DGLUCY: variants seen among roughly 807,000 people sequenced by gnomAD.
DGLUCY encodes D-glutamate cyclase.
DGLUCY carries 58 observed loss-of-function variants against 58.5 expected under a neutral mutation model. The observed-to-expected ratio is 0.99, with a 90% CI of 0.80 to 1.23. The LOEUF (loss-of-function observed/expected upper bound fraction) is 1.23. Among genes scored for constraint, DGLUCY ranks in the 50% most tolerant of loss-of-function variants. The pLI is 0.00. For missense variants in DGLUCY, 779 were observed against 784.7 expected (o/e 0.99, Z 0.09); for synonymous variants, 325 against 314.1 (o/e 1.03, Z -0.37).
At chr14:91,093,174 T>A (rs1344106921) in intron 1 of DGLUCY, among the ~76,000 whole-genome samples, 1 of 152,166 alleles carries the variant, frequency 6.6e-6, no homozygotes, top group African/African-American at 2.4e-5. Flanking sequence ...TCATAATGAT[T>A]GCATAATGAC....
At chr14:91,130,564 C>T (rs2045972535) in intron 1 of DGLUCY, among the ~76,000 whole-genome samples, 1 of 152,120 alleles carries the variant, frequency 6.6e-6, no homozygotes, top group Admixed American at 6.5e-5. Flanking sequence ...CCTTGGCCTC[C>T]CAAATTGCTG....
At chr14:91,114,840 A>T (rs1595663869) in intron 1 of DGLUCY, 1 of 152,360 alleles carries the variant, frequency 6.6e-6, no homozygotes, top group African/African-American at 2.4e-5. Flanking sequence ...CGTTGGCTGG[A>T]GGCAGAATTC....
At chr14:91,173,526 T>C in intron 6 of DGLUCY, 87 bp downstream of exon 6, 1 of 1,443,328 alleles carries the variant, frequency 6.9e-7, no homozygotes, top group Non-Finnish European at 9.1e-7. Flanking sequence ...ATGATCCCCC[T>C]GTTCACATCG....
chr14:91,085,715 G>A lies in DGLUCY; in HGVS notation c.-82+25011G>A, dbSNP rs368803638. The stretch of plus-strand genomic sequence containing the variant: ...CTCCCAGGTAGCTGGGATCACAGGC[G>A]TGCACCACCATACCTGGCTAATTTT... On this transcript the variant is annotated intron_variant, in intron 1 of 4. Coordinates refer to the DGLUCY transcript ENST00000521334. Among the ~76,000 whole-genome samples, 184 of 152,086 alleles carry A rather than the reference G, an allele frequency of 1.2e-3. 1 individual carries two copies. The highest frequency in any genetic ancestry group is 4.1e-3 in the African/African-American group (172 of 41,488).
chr14:91,137,552 ATTTTTTT>A (rs55763052), intron 1 of DGLUCY, among the ~76,000 whole-genome samples: 1 of 139,780 alleles, frequency 7.2e-6, no homozygotes, highest in South Asian at 2.3e-4. Context: ...CGCCTGGCTA[ATTTTTTT>A]TTTTTTTTTT....
At chr14:91,060,536 G>A (rs926469499) in exon 1 of DGLUCY, 9 of 1,222,396 alleles carry the variant, frequency 7.4e-6, no homozygotes, top group East Asian at 3.3e-5. Context: ...AGGAGTCGGG[G>A]TGCGGCGGCT....
chr14:91,200,510 G>A lies in DGLUCY; in HGVS notation c.1444+605G>A, dbSNP rs148549920. 1.4e-3 allele frequency among the ~76,000 whole-genome samples: 209 copies of A among 152,214 alleles called. 2 individuals are homozygous for A. Among genetic ancestry groups the A allele is most frequent in the African/African-American group, 4.1e-3 (169 of 41,512 alleles). ...CATGGCATATTATTTTGGTCATATA[G>A]GACAGAATGTACCATATATTATTTT... is the stretch of plus-strand genomic sequence containing the variant. On this transcript the variant is annotated intron_variant, in intron 11 of 13. Coordinates refer to ENST00000256324, the MANE Select transcript of DGLUCY (RefSeq NM_001102368.3).
intron 1 of DGLUCY, among the ~76,000 whole-genome samples, chr14:91,149,348 G>A (rs1165821310): frequency 6.6e-6 from 1 of 152,182 alleles, no homozygotes; most frequent in African/African-American, 2.4e-5. Flanking sequence ...TATGCAGGTG[G>A]TGTCTCTAGG....
intron 1 of DGLUCY, among the ~76,000 whole-genome samples, chr14:91,136,707 G>A (rs549961545): frequency 6.7e-5 from 10 of 148,658 alleles, no homozygotes; most frequent in African/African-American, 2.2e-4. Context: ...GGTGGCTCGC[G>A]CCTGTAATCC....
chr14:91,127,919 C>CTT (rs34102336), intron 1 of DGLUCY, among the ~76,000 whole-genome samples: 60 of 134,158 alleles, frequency 4.5e-4, no homozygotes, highest in Non-Finnish European at 7.5e-4. Flanking sequence ...AGGCACCTGG[C>CTT]TTTTTTTTTT....
At position 91,167,278 on chromosome 14, in the gene DGLUCY, G is replaced by A; in HGVS notation, c.157G>A (p.Glu53Lys). Residue 53 changes from glutamate to lysine, a missense_variant, in exon 4 of 14, where the codon GAA becomes AAA. Transcript: ENST00000256324. ...VLPRSLAPAF[E>K]RFCQVNTGPL... is the part of the protein sequence containing the mutation. ...GCCCAGGTCCCTTGCTCCAGCTTTT[G>A]AAAGATTCTGCCAGGTCAACACTGG... is the stretch of plus-strand genomic sequence containing the variant. The A allele has an allele frequency of 6.2e-7, 1 of 1,612,470 alleles. No individual in the cohort carries two copies. The highest frequency in any genetic ancestry group is 1.1e-5 in the South Asian group (1 of 90,772).
chr14:91,126,930 C>T (rs1490898203), intron 1 of DGLUCY, among the ~76,000 whole-genome samples: 1 of 152,110 alleles, frequency 6.6e-6, no homozygotes, highest in Non-Finnish European at 1.5e-5. Flanking sequence ...TGCCTGGCAT[C>T]CATCCATGGC....
intron 1 of DGLUCY, among the ~76,000 whole-genome samples, chr14:91,146,300 C>T (rs2047009325): frequency 2.0e-5 from 3 of 152,226 alleles, no homozygotes; most frequent in Non-Finnish European, 4.4e-5. Context: ...GGGCTGAGCA[C>T]TGCTGTGAAG....
chr14:91,162,309 T>A (rs2048038781), intron 3 of DGLUCY, among the ~76,000 whole-genome samples: 1 of 152,134 alleles, frequency 6.6e-6, no homozygotes, highest in South Asian at 2.1e-4. Context: ...TTAAAAAAAA[T>A]GATTTTGAGG....
At chr14:91,207,850 G>T (rs1410592064) in intron 12 of DGLUCY, among the ~76,000 whole-genome samples, 4 of 152,096 alleles carry the variant, frequency 2.6e-5, no homozygotes, top group African/African-American at 7.2e-5. Context: ...AAGTTCAAGC[G>T]ATTCTCCTGC....
At chr14:91,110,202 T>C (rs1418739843), upstream of DGLUCY, among the ~76,000 whole-genome samples, 2 of 152,200 alleles carry the variant, frequency 1.3e-5, no homozygotes, top group Admixed American at 1.3e-4. Context: ...CTGAGCAATT[T>C]TGCCTGGATC....
intron 7 of DGLUCY, among the ~76,000 whole-genome samples, chr14:91,176,725 C>T (rs189941011): frequency 6.4e-4 from 97 of 152,214 alleles, no homozygotes; most frequent in African/African-American, 2.3e-3. Context: ...CCTCAGCCTC[C>T]CAAGTAGCTG....
upstream of DGLUCY, among the ~76,000 whole-genome samples, chr14:91,106,214 A>G (rs2140091662): frequency 6.6e-6 from 1 of 151,928 alleles, no homozygotes; most frequent in African/African-American, 2.4e-5. Context: ...AGGCTGAGGC[A>G]GGAGAATCGC....
At chr14:91,081,214 A>C (rs1265961658) in intron 1 of DGLUCY, among the ~76,000 whole-genome samples, 10 of 127,838 alleles carry the variant, frequency 7.8e-5, no homozygotes, top group Non-Finnish European at 1.7e-4. Flanking sequence ...AAAAAAAAAC[A>C]AAAAAAAAAG....
Sources: allele counts gnomAD v4.1 joint callset (sites outside exome capture counted in the v4.1 genomes callset), GRCh38; gene constraint gnomAD v4.1.1; transcripts MANE v1.5; gene names NCBI Gene and HGNC (gene_info 2026-07-23, HGNC 2026-07-21).